Variants in MGMT observed in about 807,000 individuals in gnomAD.
MGMT encodes the protein methylated-DNA--protein-cysteine methyltransferase.
Under a neutral mutation model 15.9 loss-of-function variants are expected in MGMT, and 14 were observed. The observed-to-expected ratio is 0.88, with a 90% CI of 0.58 to 1.37. MGMT has a LOEUF of 1.37. Ranked by LOEUF, MGMT falls within the 40% of genes most tolerant of loss-of-function variation. MGMT has a pLI of 0.00. For missense variants in MGMT, 282 were observed against 268.1 expected (o/e 1.05, Z -0.36); for synonymous variants, 130 against 118.2 (o/e 1.10, Z -0.65).
chr10:129,637,081 G>A (rs1374716623), intron 2 of MGMT, among the ~76,000 whole-genome samples: 1 of 152,160 alleles, frequency 6.6e-6, no homozygotes, highest in Admixed American at 6.5e-5. Flanking sequence ...AGCACCTTTT[G>A]TCACTAATTA....
At chr10:129,727,550 C>G (rs1848447789) in intron 3 of MGMT, among the ~76,000 whole-genome samples, 1 of 152,228 alleles carries the variant, frequency 6.6e-6, no homozygotes, top group Non-Finnish European at 1.5e-5. Context: ...GTGACTGGCA[C>G]AAGATGTGAG....
intron 2 of MGMT, among the ~76,000 whole-genome samples, chr10:129,554,179 TCA>T (rs1234195546): frequency 6.6e-6 from 1 of 152,210 alleles, no homozygotes; most frequent in African/African-American, 2.4e-5. Flanking sequence ...TGCATCCTCA[TCA>T]CACACTGCAG....
intron 2 of MGMT, among the ~76,000 whole-genome samples, chr10:129,657,954 G>A (rs1472738210): frequency 6.6e-6 from 1 of 152,078 alleles, no homozygotes; most frequent in Non-Finnish European, 1.5e-5. Context: ...CTTTGGCTGA[G>A]GAAATTCTCG....
chr10:129,661,238 T>C (rs1847594004), intron 2 of MGMT, among the ~76,000 whole-genome samples: 1 of 152,164 alleles, frequency 6.6e-6, no homozygotes, highest in African/African-American at 2.4e-5. Flanking sequence ...TTTATGGTGT[T>C]ATGAACATTT....
At chr10:129,570,428 G>A (rs768435024) in intron 2 of MGMT, among the ~76,000 whole-genome samples, 32 of 152,252 alleles carry the variant, frequency 2.1e-4, no homozygotes, top group Admixed American at 6.5e-4. Context: ...CTCCGGCCAC[G>A]GTCTGTGCCC....
chr10:129,696,877 A>AG (rs1374647455), intron 2 of MGMT, among the ~76,000 whole-genome samples: 3 of 152,222 alleles, frequency 2.0e-5, no homozygotes, highest in Non-Finnish European at 4.4e-5. Flanking sequence ...CATTGAGTGC[A>AG]GTGTTGTGGC....
chr10:129,550,247 G>C (rs1361567003), intron 2 of MGMT, among the ~76,000 whole-genome samples: 1 of 151,364 alleles, frequency 6.6e-6, no homozygotes, highest in Non-Finnish European at 1.5e-5. Flanking sequence ...CCCAGCACTG[G>C]CATGTTTCAC....
chr10:129,602,854 G>A (rs886211898), intron 2 of MGMT, among the ~76,000 whole-genome samples: 1 of 151,940 alleles, frequency 6.6e-6, no homozygotes, highest in African/African-American at 2.4e-5. Context: ...ATACTGCTTC[G>A]GGAATGTCTG....
At chr10:129,568,434 C>A (rs1013493855) in intron 2 of MGMT, among the ~76,000 whole-genome samples, 1 of 152,094 alleles carries the variant, frequency 6.6e-6, no homozygotes, top group Non-Finnish European at 1.5e-5. Context: ...GAGAGGCAAG[C>A]GTGAATCAGA....
At chr10:129,574,072 G>C (rs1369892834) in intron 2 of MGMT, among the ~76,000 whole-genome samples, 2 of 152,214 alleles carry the variant, frequency 1.3e-5, no homozygotes, top group African/African-American at 2.4e-5. Flanking sequence ...TTTAGGGATT[G>C]ATGGAGCTTG....
At chr10:129,549,842 A>C (rs1846136421) in intron 2 of MGMT, among the ~76,000 whole-genome samples, 2 of 152,228 alleles carry the variant, frequency 1.3e-5, no homozygotes, top group Admixed American at 6.5e-5. Flanking sequence ...AATTGACAAA[A>C]TGAAAATATG....
intron 4 of MGMT, among the ~76,000 whole-genome samples, chr10:129,764,262 G>T (rs1218383811): frequency 6.6e-6 from 1 of 151,044 alleles, no homozygotes; most frequent in Admixed American, 6.6e-5. Context: ...CATAGATGGG[G>T]TCGAAGATGC....
At chr10:129,596,174 A>G (rs1375019495) in intron 2 of MGMT, among the ~76,000 whole-genome samples, 2 of 151,084 alleles carry the variant, frequency 1.3e-5, no homozygotes, top group African/African-American at 4.9e-5. Context: ...TTAGCATGGT[A>G]TTTTCTGCAT....
intron 2 of MGMT, chr10:129,701,418 T>G (rs1404070154): frequency 1.3e-5 from 2 of 152,322 alleles, no homozygotes; most frequent in East Asian, 1.9e-4. Context: ...GAGTAACTTA[T>G]GAAGGACTCT....
At chr10:129,599,534 C>T (rs1248101106) in intron 2 of MGMT, among the ~76,000 whole-genome samples, 1 of 152,272 alleles carries the variant, frequency 6.6e-6, no homozygotes, top group African/African-American at 2.4e-5. Flanking sequence ...ATCCTTTTTC[C>T]TAGTCACCTA....
At chr10:129,553,503 C>T (rs527288845) in intron 2 of MGMT, among the ~76,000 whole-genome samples, 5 of 152,222 alleles carry the variant, frequency 3.3e-5, no homozygotes, top group African/African-American at 1.2e-4. Flanking sequence ...CCGGGGGACA[C>T]GTGGTCCATT....
At chr10:129,607,219 G>A (rs1050390264) in intron 2 of MGMT, among the ~76,000 whole-genome samples, 1 of 151,968 alleles carries the variant, frequency 6.6e-6, no homozygotes, top group Non-Finnish European at 1.5e-5. Flanking sequence ...TAAATCCTCA[G>A]AAGGAAGAGG....
intron 2 of MGMT, among the ~76,000 whole-genome samples, chr10:129,616,600 C>T (rs1224774548): frequency 6.6e-6 from 1 of 152,158 alleles, no homozygotes; most frequent in Admixed American, 6.5e-5. Flanking sequence ...CCTCTAAGGG[C>T]CCTCACTGGC....
chr10:129,740,806 G>A (rs1235322794), intron 3 of MGMT, among the ~76,000 whole-genome samples: 1 of 152,108 alleles, frequency 6.6e-6, no homozygotes, highest in Non-Finnish European at 1.5e-5. Context: ...GGATGATGGG[G>A]GACCTTGAGG....
Sources: allele counts gnomAD v4.1 joint callset (sites outside exome capture counted in the v4.1 genomes callset), GRCh38; gene constraint gnomAD v4.1.1; transcripts MANE v1.5; gene names NCBI Gene and HGNC (gene_info 2026-07-23, HGNC 2026-07-21).